Variants in FAM3B observed in about 807,000 individuals in gnomAD.
FAM3B encodes the protein protein FAM3B.
FAM3B carries 29 observed loss-of-function variants against 28.4 expected under a neutral mutation model. The observed-to-expected ratio is 1.02, with a 90% CI of 0.76 to 1.39. The LOEUF (loss-of-function observed/expected upper bound fraction) is 1.39, where lower values mean the gene tolerates loss of function less well. Ranked by LOEUF, FAM3B falls within the 40% of genes most tolerant of loss-of-function variation. The pLI is 0.00. For missense variants in FAM3B, 266 were observed against 293.9 expected (o/e 0.91, Z 0.69); for synonymous variants, 91 against 103.0 (o/e 0.88, Z 0.71).
chr21:41,348,581 T>G lies in FAM3B; in HGVS notation c.486-11T>G, dbSNP rs1218933272. Reference sequence around the variant, plus strand: ...CTGAGATGCTCACATGCTTTTCCCTTTGTCCTGCAGACTGAATAACGATGC... The same window carrying G: ...CTGAGATGCTCACATGCTTTTCCCTGTGTCCTGCAGACTGAATAACGATGC... On this transcript the variant is annotated splice_polypyrimidine_tract_variant and intron_variant, in intron 6 of 7. Transcript: ENST00000357985. 6.2e-7 allele frequency: 1 copy of G among 1,614,026 alleles called. No homozygotes were observed. Among genetic ancestry groups the G allele is most frequent in the Non-Finnish European group, 8.5e-7 (1 of 1,180,024 alleles).
intron 7 of FAM3B, 55 bp from the exon 8 acceptor site, chr21:41,357,053 A>T: frequency 7.3e-7 from 1 of 1,368,850 alleles, no homozygotes; most frequent in Non-Finnish European, 1.0e-6. Context: ...GATACTGATT[A>T]AATACTTGTT....
chr21:41,313,909 T>C (rs2088729434), upstream of FAM3B, among the ~76,000 whole-genome samples: 1 of 152,232 alleles, frequency 6.6e-6, no homozygotes, highest in South Asian at 2.1e-4. Flanking sequence ...GGTTTGCTGC[T>C]ATAATCACAT....
At chr21:41,322,248 C>T (rs758538324) in intron 1 of FAM3B, among the ~76,000 whole-genome samples, 1 of 152,166 alleles carries the variant, frequency 6.6e-6, no homozygotes, top group Non-Finnish European at 1.5e-5. Context: ...GGAAATCGTG[C>T]CACTCATGTC....
rs567113830 is a variant in FAM3B, at chr21:41,326,276, T to C, written c.163+3210T>C. ...CCAATCCCACACTGAGTTAGGAACA[T>C]GGTCTTCTTTCTTCATTCACGTGGT... On this transcript the variant is annotated intron_variant, in intron 2 of 7. Coordinates refer to ENST00000357985, the MANE Select transcript of FAM3B (RefSeq NM_058186.4). This position sits in a 1 kb window ranked among gnomAD's most constrained non-coding sequence, Gnocchi z 4.0. 2.7e-4 allele frequency among the ~76,000 whole-genome samples: 41 copies of C among 152,326 alleles called. 1 individual carries two copies. In the South Asian group the frequency reaches 7.9e-3, roughly 29 times the overall value.
At position 41,306,774 on chromosome 21, in the gene FAM3B, G is replaced by T. The variant is rs138299295; in HGVS notation, n.99+2464G>T. Among the ~76,000 whole-genome samples, 573 of 152,240 alleles carry T rather than the reference G, an allele frequency of 3.8e-3. 3 individuals carry two copies. Among genetic ancestry groups the T allele is most frequent in the Admixed American group, 6.1e-3 (94 of 15,296 alleles). ...CTTCTTTTGTAATTTTTATAGATTT[G>T]GGGGTATAAGTGCAATTGTGTTACC... On this transcript the variant is annotated intron_variant and non_coding_transcript_variant, in intron 1 of 9. Coordinates refer to the FAM3B transcript ENST00000479810.
At chr21:41,322,890 G>C in intron 1 of FAM3B, 33 bp from the exon 2 acceptor site, 2 of 1,614,164 alleles carry the variant, frequency 1.2e-6, no homozygotes, top group Non-Finnish European at 8.5e-7. Context: ...CCACCAAGTC[G>C]TTCACAGCAG....
intron 7 of FAM3B, among the ~76,000 whole-genome samples, chr21:41,350,831 T>C (rs901789463): frequency 1.3e-5 from 2 of 152,222 alleles, no homozygotes; most frequent in African/African-American, 2.4e-5. Flanking sequence ...CCTGTTTTCC[T>C]CCTCCTCTTT....
chr21:41,310,913 C>A (rs188677820), intron 1 of FAM3B, among the ~76,000 whole-genome samples: 1 of 152,190 alleles, frequency 6.6e-6, no homozygotes, highest in African/African-American at 2.4e-5. Flanking sequence ...TTCCCCATTT[C>A]ACGTATTTTT....
chr21:41,340,915 A>G (rs1353384192), intron 3 of FAM3B, among the ~76,000 whole-genome samples: 1 of 151,956 alleles, frequency 6.6e-6, no homozygotes, highest in Non-Finnish European at 1.5e-5. Context: ...AATAAGCTAT[A>G]TATATATATA....
At chr21:41,336,532 A>G (rs1194959234) in intron 2 of FAM3B, among the ~76,000 whole-genome samples, 1 of 152,240 alleles carries the variant, frequency 6.6e-6, no homozygotes, top group Non-Finnish European at 1.5e-5. Flanking sequence ...AAAAGAAACA[A>G]GAAGTTTAAG....
At chr21:41,336,062 C>G (rs1038406366) in intron 2 of FAM3B, among the ~76,000 whole-genome samples, 5 of 152,086 alleles carry the variant, frequency 3.3e-5, no homozygotes, top group Admixed American at 2.0e-4. Flanking sequence ...GGGATTAGAG[C>G]CTCTACGAAT....
At chr21:41,312,036 G>A (rs1235520963), upstream of FAM3B, among the ~76,000 whole-genome samples, 1 of 152,272 alleles carries the variant, frequency 6.6e-6, no homozygotes, top group East Asian at 1.9e-4. Flanking sequence ...TCACTATCAT[G>A]AGAACCGCAC....
upstream of FAM3B, among the ~76,000 whole-genome samples, chr21:41,313,732 C>G (rs1355177266): frequency 6.6e-6 from 1 of 151,638 alleles, no homozygotes; most frequent in Non-Finnish European, 1.5e-5. Context: ...TCTTGAACCT[C>G]ATCATACAGT....
At chr21:41,330,433 C>T (rs747612428) in intron 2 of FAM3B, among the ~76,000 whole-genome samples, 7 of 152,192 alleles carry the variant, frequency 4.6e-5, no homozygotes, top group Non-Finnish European at 8.8e-5. Flanking sequence ...TGCATCCACT[C>T]GGCATCTTGG....
intron 1 of FAM3B, chr21:41,319,859 T>C (rs2088785514): frequency 1.3e-5 from 2 of 152,062 alleles, no homozygotes; most frequent in Admixed American, 1.3e-4. Context: ...TCCTAACCCC[T>C]GCCCAGTACC....
chr21:41,316,838 G>T lies in FAM3B; in HGVS notation c.-42G>T. The stretch of plus-strand genomic sequence containing the variant: ...GGGGCTCCGCTGGCTGCGGTCGCCT[G>T]GGAGCTGCCGCCAGGGCCAGGAGGG... On this transcript the variant is annotated 5_prime_UTR_variant, in exon 1 of 8. Transcript: ENST00000357985. The T allele has an allele frequency of 1.0e-5, 15 of 1,433,710 alleles. No homozygotes were observed. The highest frequency in any genetic ancestry group is 1.2e-5 in the Non-Finnish European group (13 of 1,096,818). The allele number at this position is 1,433,710 out of a possible 1,614,324, so 88.8% of individuals were successfully genotyped here.
intron 1 of FAM3B, among the ~76,000 whole-genome samples, chr21:41,309,086 C>A (rs755897360): frequency 6.6e-6 from 1 of 152,088 alleles, no homozygotes; most frequent in Admixed American, 6.5e-5. Flanking sequence ...GGGCTACACA[C>A]AGACTTTGTG....
chr21:41,357,354 C>A lies in FAM3B; in HGVS notation c.*157C>A. The A allele has an allele frequency of 2.3e-6, 1 of 443,818 alleles. No individual in the cohort carries two copies. Among genetic ancestry groups the A allele is most frequent in the South Asian group, 4.0e-5 (1 of 25,044 alleles). The allele number at this position is 443,818 out of a possible 1,614,324, so 27.5% of individuals were successfully genotyped here. A position where few individuals can be genotyped will look rare whatever the true frequency, so the allele number is the denominator to read the frequency against. On this transcript the variant is annotated 3_prime_UTR_variant, in exon 8 of 8. Coordinates refer to ENST00000357985, the MANE Select transcript of FAM3B (RefSeq NM_058186.4). ...TTGCTAGTTGTATCAAATCTTGGTACGCAGTATTTTTATACCAGTATTTTA... is the reference window on the plus strand; with the variant it reads ...TTGCTAGTTGTATCAAATCTTGGTAAGCAGTATTTTTATACCAGTATTTTA...
intron 2 of FAM3B, among the ~76,000 whole-genome samples, chr21:41,323,552 CTG>C (rs747812469): frequency 2.6e-5 from 4 of 152,236 alleles, no homozygotes; most frequent in Non-Finnish European, 5.9e-5. Context: ...GCCCAGCTCT[CTG>C]TAGGGCGGCT....
Sources: gnomAD v4.1 joint callset for allele counts (sites outside exome capture counted in the v4.1 genomes callset) on GRCh38, gnomAD v4.1.1 for gene constraint, Gnocchi (gnomAD v3.1) non-coding constraint, MANE v1.5 for transcripts, NCBI Gene and HGNC (gene_info 2026-07-23, HGNC 2026-07-21) for gene names.